Variants in PPM1L observed in about 807,000 individuals in gnomAD.
PPM1L encodes the protein protein phosphatase, Mg2+/Mn2+ dependent 1L, also known as protein phosphatase 1L.
Under a neutral mutation model 31.4 loss-of-function variants are expected in PPM1L, and 13 were observed. The observed-to-expected ratio is 0.41, with a 90% CI of 0.27 to 0.66. The LOEUF is 0.66. Ranked by LOEUF, PPM1L falls within the 30% of genes least tolerant of loss-of-function variation. The pLI, the probability that PPM1L is intolerant of heterozygous loss-of-function variation, is 0.29. For synonymous variants in PPM1L, 184 were observed against 175.4 expected (o/e 1.05, Z -0.39); for missense variants, 326 against 453.7 (o/e 0.72, Z 2.56).
intron 2 of PPM1L, among the ~76,000 whole-genome samples, chr3:161,054,473 C>T (rs889208722): frequency 5.9e-5 from 9 of 152,178 alleles, no homozygotes; most frequent in Non-Finnish European, 1.2e-4. Context: ...CTCTGGACGG[C>T]ACCATTCACA....
At chr3:160,902,780 T>C (rs1327031264) in intron 1 of PPM1L, among the ~76,000 whole-genome samples, 1 of 152,150 alleles carries the variant, frequency 6.6e-6, no homozygotes, top group African/African-American at 2.4e-5. Flanking sequence ...ACAAATTTCT[T>C]TTTATATCTG....
intron 1 of PPM1L, among the ~76,000 whole-genome samples, chr3:160,837,056 CT>C (rs1262826097): frequency 8.5e-5 from 13 of 152,122 alleles, no homozygotes; most frequent in African/African-American, 3.1e-4. Flanking sequence ...GATTGCCCCC[CT>C]GCTGTTATTT....
chr3:161,013,912 T>G (rs1172275926), intron 2 of PPM1L, among the ~76,000 whole-genome samples: 1 of 152,168 alleles, frequency 6.6e-6, no homozygotes, highest in Admixed American at 6.5e-5. Flanking sequence ...GAGCCTATGT[T>G]TGTCTCTGCA....
chr3:161,009,504 C>G (rs1399557214), intron 2 of PPM1L, among the ~76,000 whole-genome samples: 5 of 151,986 alleles, frequency 3.3e-5, no homozygotes, highest in Admixed American at 6.6e-5. Context: ...TATAAGAATC[C>G]CAGTCATACT....
intron 1 of PPM1L, among the ~76,000 whole-genome samples, chr3:160,803,637 C>G (rs1712503915): frequency 6.6e-6 from 1 of 152,146 alleles, no homozygotes; most frequent in African/African-American, 2.4e-5. Context: ...TGTAGACATG[C>G]CTTATGGCTC....
chr3:160,968,935 C>G (rs578255931), intron 2 of PPM1L, among the ~76,000 whole-genome samples: 1 of 152,188 alleles, frequency 6.6e-6, no homozygotes, highest in African/African-American at 2.4e-5. Flanking sequence ...TGGCTAGAAA[C>G]CTATACAGCC....
intron 1 of PPM1L, among the ~76,000 whole-genome samples, chr3:160,813,216 G>A (rs1216439080): frequency 2.0e-5 from 3 of 152,016 alleles, no homozygotes; most frequent in Non-Finnish European, 4.4e-5. Context: ...CCCAAATTAT[G>A]GAGAGGCAAT....
chr3:160,888,635 A>G (rs1453609923), intron 1 of PPM1L, among the ~76,000 whole-genome samples: 1 of 152,190 alleles, frequency 6.6e-6, no homozygotes, highest in African/African-American at 2.4e-5. Flanking sequence ...GAAAATTAAC[A>G]AGGATATTCA....
At chr3:160,764,733 G>A (rs1471739778) in intron 1 of PPM1L, among the ~76,000 whole-genome samples, 2 of 152,148 alleles carry the variant, frequency 1.3e-5, no homozygotes, top group Non-Finnish European at 2.9e-5. Flanking sequence ...CTCCCAAAGT[G>A]CTGGGATTAC....
intron 1 of PPM1L, among the ~76,000 whole-genome samples, chr3:160,909,597 C>T (rs562572317): frequency 2.0e-5 from 3 of 152,110 alleles, no homozygotes; most frequent in African/African-American, 2.4e-5. Context: ...TGAAAGTAAG[C>T]GAGCCCTCTC....
chr3:160,780,774 G>A (rs542382179), intron 1 of PPM1L, among the ~76,000 whole-genome samples: 2 of 152,288 alleles, frequency 1.3e-5, no homozygotes, highest in Non-Finnish European at 2.9e-5. Flanking sequence ...CAACCATCAG[G>A]TTGTAGCAGT....
chr3:160,960,888 T>C lies in PPM1L; in HGVS notation c.400-848T>C, dbSNP rs1047409372. ...ACCACTGCAGCCTACCAGAAGAACATATCAGAATCTTTGGGAAAATCTTTT... is the reference window on the plus strand; with the variant it reads ...ACCACTGCAGCCTACCAGAAGAACACATCAGAATCTTTGGGAAAATCTTTT... On this transcript the variant is annotated intron_variant, in intron 1 of 3. Coordinates refer to ENST00000498165, the MANE Select transcript of PPM1L (RefSeq NM_139245.4). Among the ~76,000 whole-genome samples, 6 of 152,262 alleles carry C rather than the reference T, an allele frequency of 3.9e-5. No individual in the cohort carries two copies. The East Asian group carries it at 9.7e-4, about 25-fold the overall frequency.
At chr3:160,992,170 A>G (rs1717155081) in intron 2 of PPM1L, among the ~76,000 whole-genome samples, 2 of 152,222 alleles carry the variant, frequency 1.3e-5, no homozygotes. Flanking sequence ...AGAAATAACA[A>G]GGCTTAGTAA....
chr3:160,852,019 A>G (rs1711542119), intron 1 of PPM1L, among the ~76,000 whole-genome samples: 1 of 152,170 alleles, frequency 6.6e-6, no homozygotes, highest in South Asian at 2.1e-4. Flanking sequence ...ATACATAATC[A>G]TTTTCTGAAC....
At chr3:160,955,092 C>G (rs1356359170) in intron 1 of PPM1L, among the ~76,000 whole-genome samples, 1 of 151,942 alleles carries the variant, frequency 6.6e-6, no homozygotes, top group South Asian at 2.1e-4. Context: ...CTCACTGCAA[C>G]CTCTGCCTTC....
chr3:161,010,659 A>G (rs942541125), intron 2 of PPM1L, among the ~76,000 whole-genome samples: 6 of 152,074 alleles, frequency 3.9e-5, no homozygotes, highest in Admixed American at 1.3e-4. Context: ...AAGTGTTCCT[A>G]TTTCTCCACA....
chr3:161,018,971 G>A (rs990637552), intron 2 of PPM1L, among the ~76,000 whole-genome samples: 1 of 152,108 alleles, frequency 6.6e-6, no homozygotes, highest in Non-Finnish European at 1.5e-5. Flanking sequence ...TTGAGAACTT[G>A]TTATTTCCCC....
At chr3:160,937,884 C>G (rs1715032853) in intron 1 of PPM1L, among the ~76,000 whole-genome samples, 1 of 151,972 alleles carries the variant, frequency 6.6e-6, no homozygotes, top group East Asian at 1.9e-4. Flanking sequence ...TATTATTGTT[C>G]AACATTACTT....
chr3:160,843,426 TTATATATATATA>T lies in PPM1L; in HGVS notation c.399+86751_399+86762del, dbSNP rs55994031. 7.2e-3 allele frequency among the ~76,000 whole-genome samples: 341 copies of T among 47,534 alleles called. 9 individuals are homozygous for T. Among genetic ancestry groups the T allele is most frequent in the South Asian group, 0.047 (46 of 982 alleles). The allele number at this position is 47,534 out of a possible 152,430, so 31.2% of individuals were successfully genotyped here. A position where few individuals can be genotyped will look rare whatever the true frequency, so the allele number is the denominator to read the frequency against. On this transcript the variant is annotated intron_variant, in intron 1 of 3. Transcript: ENST00000498165. ...TTTTTGTGTGTGTATGGCAATTCTT[TTATATATATATA>T]TATATATATATATATATATATATAT...
Sources: gnomAD v4.1 joint callset for allele counts (sites outside exome capture counted in the v4.1 genomes callset) on GRCh38, gnomAD v4.1.1 for gene constraint, MANE v1.5 for transcripts, NCBI Gene and HGNC (gene_info 2026-07-23, HGNC 2026-07-21) for gene names.